GPI: variants seen among roughly 807,000 people sequenced by gnomAD.
GPI encodes the protein D-hexose-6-phosphate anomerase.
In GPI, 56 loss-of-function variants were observed where a neutral mutation model predicts 75.8. The ratio of observed to expected loss-of-function variants is 0.74; its 90% CI spans 0.60 to 0.92. GPI has a LOEUF of 0.92. GPI is among the 40% of genes least tolerant of loss of function. GPI has a pLI of 0.00. For synonymous variants in GPI, 288 were observed against 285.4 expected, an observed-to-expected ratio of 1.01 and a Z score of -0.09; for missense variants, 638 against 741.0, an observed-to-expected ratio of 0.86 and a Z score of 1.61.
chr19:34,391,938 T>TAA (rs1555720638), intron 9 of GPI, among the ~76,000 whole-genome samples: 9 of 644 alleles, frequency 0.014, no homozygotes, highest in Non-Finnish European at 0.024. Context: ...CTGTCATGTC[T>TAA]GGAGGTAAGA....
Position 34,400,038 on chromosome 19 carries a change from C to CT in GPI, c.*3dup. The CT allele has an allele frequency of 6.2e-7, 1 of 1,610,728 alleles. No homozygotes were observed. The highest frequency in any genetic ancestry group is 8.5e-7 in the Non-Finnish European group (1 of 1,179,968). The stretch of plus-strand genomic sequence containing the variant: ...CAGCGCGAGGCCAGAGTCCAATAAA[C>CT]TCGTGCTCATCTGCAGCCTCCTCTG... On this transcript the variant is annotated 3_prime_UTR_variant, in exon 18 of 18. Coordinates refer to ENST00000356487, the MANE Select transcript of GPI (RefSeq NM_000175.5).
rs73028341 is a variant in GPI, at chr19:34,400,694, A to C, written c.*658A>C. On this transcript the variant is annotated 3_prime_UTR_variant, in exon 18 of 18. Transcript: ENST00000356487. ...ACTGCCATCTCCTGGCAAGACGCTCAGGTAGTTCTTTTGCTTTAAAAGGCA... is the reference window on the plus strand; with the variant it reads ...ACTGCCATCTCCTGGCAAGACGCTCCGGTAGTTCTTTTGCTTTAAAAGGCA... 2.2e-3 allele frequency: 872 copies of C among 402,294 alleles called. 5 individuals are homozygous for C. The highest frequency in any genetic ancestry group is 3.2e-3 in the Non-Finnish European group (730 of 228,400). 24.9% of individuals were successfully genotyped at this position (402,294 alleles called of 1,614,324 possible).
rs1006168243 is a variant in GPI at position 34,400,789 on chromosome 19, A to G, written c.*753A>G. On this transcript the variant is annotated 3_prime_UTR_variant, in exon 18 of 18. Transcript: ENST00000356487. ...ACCCAGACTGGAGTGCAGTGGTGCA[A>G]TCTCGGCTCACTGCAACCTCCGCCT... The G allele has an allele frequency of 2.6e-5, 10 of 386,614 alleles. No individual in the cohort carries two copies. Among genetic ancestry groups the G allele is most frequent in the Non-Finnish European group, 3.2e-5 (7 of 218,994 alleles). 23.9% of individuals were successfully genotyped at this position (386,614 alleles called of 1,614,324 possible).
intron 12 of GPI, 113 bp downstream of exon 12, chr19:34,394,179 C>T (rs2074912312): frequency 2.6e-6 from 2 of 759,488 alleles, no homozygotes; most frequent in East Asian, 2.6e-5. Flanking sequence ...TGCCCTTGGG[C>T]CTGGCCAAGG....
rs532194310 is a variant in GPI, at chr19:34,379,664, G to A, written c.750+102G>A. 5.1e-6 allele frequency: 5 copies of A among 987,798 alleles called. No individual in the cohort carries two copies. In the Admixed American group the frequency reaches 6.8e-5, roughly 13 times the overall value. 61.2% of individuals were successfully genotyped at this position (987,798 alleles called of 1,614,324 possible). On this transcript the variant is annotated intron_variant, in intron 8 of 17. Transcript: ENST00000356487. ...CGGTTCGTAGGTCTGGTGGATCTTG[G>A]CTTGGCTGATGGTATGGAAGGTTTG...
chr19:34,374,028 C>T lies in GPI; in HGVS notation c.403-3475C>T, dbSNP rs149029193. ...TGTCACCCAGGCCAGAGTACAATGGCGTGATCTTGGCTCACTGCAACCTCC... is the reference window on the plus strand; with the variant it reads ...TGTCACCCAGGCCAGAGTACAATGGTGTGATCTTGGCTCACTGCAACCTCC... On this transcript the variant is annotated intron_variant, in intron 4 of 17. Transcript: ENST00000356487. Among the ~76,000 whole-genome samples, 580 of 151,756 alleles carry T rather than the reference C, an allele frequency of 3.8e-3. 3 individuals carry two copies. Among genetic ancestry groups the T allele is most frequent in the African/African-American group, 0.013 (549 of 41,362 alleles).
At chr19:34,398,607 T>G (rs1388886137) in intron 14 of GPI, 1 of 152,354 alleles carries the variant, frequency 6.6e-6, no homozygotes, top group Middle Eastern at 3.2e-3. Context: ...CCGGAGTAGC[T>G]GGAATTACAG....
At chr19:34,392,983 G>A in intron 9 of GPI, 1 of 521,390 alleles carries the variant, frequency 1.9e-6, no homozygotes, top group Non-Finnish European at 3.5e-6. Context: ...GTCTGCTGGT[G>A]TCTGCAGAGA....
intron 4 of GPI, among the ~76,000 whole-genome samples, chr19:34,372,306 T>A (rs2074466672): frequency 6.6e-6 from 1 of 152,174 alleles, no homozygotes; most frequent in African/African-American, 2.4e-5. Context: ...TTATTTTATT[T>A]CTTTCTGTAT....
At chr19:34,395,160 T>G (rs927084642) in intron 12 of GPI, among the ~76,000 whole-genome samples, 1 of 152,160 alleles carries the variant, frequency 6.6e-6, no homozygotes, top group Non-Finnish European at 1.5e-5. Flanking sequence ...CCAGCTGCCT[T>G]GGTGAGGGTT....
intron 9 of GPI, among the ~76,000 whole-genome samples, chr19:34,391,875 G>A (rs1406156913): frequency 6.7e-5 from 1 of 14,954 alleles, no homozygotes; most frequent in African/African-American, 2.8e-4. Flanking sequence ...TGAGGATCTG[G>A]GTCTGTCAAT....
chr19:34,382,091 G>C (rs1016147044), intron 9 of GPI, among the ~76,000 whole-genome samples: 12 of 152,200 alleles, frequency 7.9e-5, no homozygotes, highest in Non-Finnish European at 1.3e-4. Flanking sequence ...GTGAGCCACA[G>C]CTTTCCTTGT....
rs1311274816 is a variant in GPI at position 34,400,195 on chromosome 19, C to T, written c.*159C>T. 6.6e-6 allele frequency: 5 copies of T among 752,008 alleles called. No homozygotes were observed. Among genetic ancestry groups the T allele is most frequent in the Non-Finnish European group, 1.2e-5 (5 of 428,534 alleles). 46.6% of individuals were successfully genotyped at this position (752,008 alleles called of 1,614,324 possible). ...GCAGGGAAGGCTGGTCTCCCCCAGCCTAACCCCCAGCCCCTCCATGTCTAT... is the reference window on the plus strand; with the variant it reads ...GCAGGGAAGGCTGGTCTCCCCCAGCTTAACCCCCAGCCCCTCCATGTCTAT... On this transcript the variant is annotated 3_prime_UTR_variant, in exon 18 of 18. Coordinates refer to ENST00000356487, the MANE Select transcript of GPI (RefSeq NM_000175.5).
rs1279533348 is a variant in GPI, at chr19:34,399,584, C to G, written c.1427C>G (p.Ser476Cys). Residue 476 changes from serine to cysteine, a missense_variant, in exon 16 of 18, where the codon TCT becomes TGT. Ser to Cys is a moderately radical substitution (Grantham distance 112, BLOSUM62 -1). Coordinates refer to ENST00000356487, the MANE Select transcript of GPI (RefSeq NM_000175.5). ...KVFEGNRPTN[S>C]IVFTKLTPFM... ...TTTGAAGGAAATCGCCCAACCAACT[C>G]TATTGTGTTCACCAAGCTCACACCA... is the stretch of plus-strand genomic sequence containing the variant. The G allele has an allele frequency of 6.2e-7, 1 of 1,614,180 alleles. No individual in the cohort carries two copies. Among genetic ancestry groups the G allele is most frequent in the South Asian group, 1.1e-5 (1 of 91,084 alleles).
At chr19:34,367,968 T>C (rs1170750228) in intron 3 of GPI, among the ~76,000 whole-genome samples, 1 of 152,230 alleles carries the variant, frequency 6.6e-6, no homozygotes, top group Non-Finnish European at 1.5e-5. Context: ...TCGCCCAGGC[T>C]GGAGTGCAGT....
In GPI at chr19:34,366,452, G is replaced by T. The variant is rs1471362836; in HGVS notation, c.213+17G>T. 3.2e-6 allele frequency: 5 copies of T among 1,576,534 alleles called. No homozygotes were observed. Among genetic ancestry groups the T allele is most frequent in the Non-Finnish European group, 4.4e-6 (5 of 1,145,612 alleles). On this transcript the variant is annotated intron_variant, in intron 2 of 17. Transcript: ENST00000356487. Reference sequence around the variant, plus strand: ...GTGGACTTGGTAATGTTCTGCTTGGGGAGGCATAACTGGTAACCGACAGAG... The same window carrying T: ...GTGGACTTGGTAATGTTCTGCTTGGTGAGGCATAACTGGTAACCGACAGAG...
intron 8 of GPI, chr19:34,380,709 C>T (rs1244344587): frequency 1.3e-5 from 2 of 159,280 alleles, no homozygotes; most frequent in Non-Finnish European, 2.8e-5. Flanking sequence ...GAGGGATGCT[C>T]CAGGAGTGAC....
intron 9 of GPI, among the ~76,000 whole-genome samples, chr19:34,390,675 T>A (rs2145406219): frequency 6.6e-6 from 1 of 151,392 alleles, no homozygotes; most frequent in South Asian, 2.1e-4. Flanking sequence ...GAAATCTGGG[T>A]CTTCCTGTGT....
In GPI at chr19:34,400,568, CT is replaced by C. The variant is rs2075007606; in HGVS notation, c.*533del. The C allele has an allele frequency of 6.8e-6, 3 of 442,924 alleles. No homozygotes were observed. The highest frequency in any genetic ancestry group is 6.0e-5 in the African/African-American group (3 of 49,906). 27.4% of individuals were successfully genotyped at this position (442,924 alleles called of 1,614,324 possible). A position where few individuals can be genotyped will look rare whatever the true frequency, so the allele number is the denominator to read the frequency against. On this transcript the variant is annotated 3_prime_UTR_variant, in exon 18 of 18. Transcript: ENST00000356487. ...CAAGACTGTTTTCCACTCCTCACCT[CT>C]GTGACTGCAGAAATTGGATACTCTG... is the stretch of plus-strand genomic sequence containing the variant.
Sources: allele counts gnomAD v4.1 joint callset (sites outside exome capture counted in the v4.1 genomes callset), GRCh38; gene constraint gnomAD v4.1.1; transcripts MANE v1.5; gene names NCBI Gene and HGNC (gene_info 2026-07-23, HGNC 2026-07-21).